The following A1CF variants were observed in gnomAD, a reference collection of about 807,000 sequenced individuals.
A1CF encodes APOBEC1 complementation factor, also known as APOBEC-1 stimulating protein.
Under a neutral mutation model 68.9 loss-of-function variants are expected in A1CF, and 48 were observed. The observed-to-expected ratio is 0.70, with a 90% confidence interval of 0.55 to 0.89. The LOEUF (loss-of-function observed/expected upper bound fraction) is 0.89. A1CF is among the 40% of genes least tolerant of loss of function. A1CF has a pLI of 0.00. For synonymous variants in A1CF, 272 were observed against 260.4 expected (o/e 1.04, Z -0.43); for missense variants, 653 against 718.9 (o/e 0.91, Z 1.05).
chr10:50,854,126 T>G (rs2132504276), intron 3 of A1CF, among the ~76,000 whole-genome samples: 1 of 152,146 alleles, frequency 6.6e-6, no homozygotes, highest in East Asian at 1.9e-4. Flanking sequence ...CTTTTCTACC[T>G]TATGAGATTT....
intron 9 of A1CF, 65 bp downstream of exon 9, chr10:50,815,941 G>A (rs1838344191): frequency 1.3e-6 from 2 of 1,567,452 alleles, no homozygotes; most frequent in Non-Finnish European, 1.7e-6. Context: ...TGTATCTAAG[G>A]CTACTGCAAT....
intron 12 of A1CF, 151 bp from the exon 13 acceptor site, chr10:50,807,031 A>T: frequency 5.3e-6 from 4 of 756,150 alleles, no homozygotes; most frequent in African/African-American, 1.8e-5. Context: ...TTAAGGACAC[A>T]ATATGTGGAC....
intron 1 of A1CF, among the ~76,000 whole-genome samples, chr10:50,884,663 A>T (rs148215648): frequency 2.6e-3 from 397 of 152,356 alleles, no homozygotes; most frequent in Non-Finnish European, 4.5e-3. Context: ...TGTGTTCTTC[A>T]TCTTCTTGGA....
chr10:50,838,371 G>GT lies in A1CF; in HGVS notation c.366-2060dup, dbSNP rs1209976154. ...AAGGGTTGAAAAAATAATCTTCCAAGTTTTTTTTTAAACTTTACTTAAAAA... is the reference window on the plus strand; with the variant it reads ...AAGGGTTGAAAAAATAATCTTCCAAGTTTTTTTTTTAAACTTTACTTAAAAA... On this transcript the variant is annotated intron_variant, in intron 5 of 12. Transcript: ENST00000373997. 2.1e-3 allele frequency among the ~76,000 whole-genome samples: 320 copies of GT among 151,604 alleles called. 11 individuals carry two copies. The highest frequency in any genetic ancestry group is 0.021 in the Admixed American group (312 of 15,194).
At chr10:50,876,284 T>C (rs1408635549) in intron 1 of A1CF, among the ~76,000 whole-genome samples, 1 of 152,236 alleles carries the variant, frequency 6.6e-6, no homozygotes, top group Admixed American at 6.5e-5. Context: ...ACAAGAAACC[T>C]ACCCCTTTCC....
chr10:50,822,391 C>T (rs1384075207), intron 7 of A1CF, among the ~76,000 whole-genome samples: 1 of 152,134 alleles, frequency 6.6e-6, no homozygotes, highest in Non-Finnish European at 1.5e-5. Flanking sequence ...TAGGATGAGA[C>T]ATTATGCCAG....
chr10:50,882,230 G>A (rs887603600), intron 1 of A1CF, among the ~76,000 whole-genome samples: 42 of 152,194 alleles, frequency 2.8e-4, no homozygotes, highest in African/African-American at 8.7e-4. Context: ...GAGTTCAGGA[G>A]TTCGAGACCA....
chr10:50,836,200 T>TA lies in A1CF; in HGVS notation c.477dup (p.Thr160TyrfsTer2). Reference sequence around the variant, plus strand: ...ACGATGACATCGACAACACCTTCAGTAACCTTTTTCATCTCCGATAAGATT... The same window carrying TA: ...ACGATGACATCGACAACACCTTCAGTAAACCTTTTTCATCTCCGATAAGATT... On this transcript the variant is annotated frameshift_variant, in exon 6 of 13. Transcript: ENST00000373997. LOFTEE classifies it high-confidence loss of function. The TA allele has an allele frequency of 6.2e-7, 1 of 1,614,054 alleles. No individual in the cohort carries two copies.
chr10:50,878,157 A>G (rs909050738), intron 1 of A1CF, among the ~76,000 whole-genome samples: 10 of 152,182 alleles, frequency 6.6e-5, no homozygotes, highest in Non-Finnish European at 1.2e-4. Context: ...AAAAACTGCC[A>G]GAGAATCAGG....
intron 5 of A1CF, among the ~76,000 whole-genome samples, chr10:50,839,592 C>T (rs1200099975): frequency 6.6e-6 from 1 of 152,220 alleles, no homozygotes; most frequent in African/African-American, 2.4e-5. Flanking sequence ...CCACATACTA[C>T]ACAAAGCTCT....
intron 6 of A1CF, among the ~76,000 whole-genome samples, chr10:50,834,412 T>C (rs1409086992): frequency 6.6e-6 from 1 of 152,136 alleles, no homozygotes; most frequent in Admixed American, 6.6e-5. Flanking sequence ...CAGGTATTCC[T>C]AGTAGAGGAT....
chr10:50,811,613 A>T (rs77886466), intron 10 of A1CF, among the ~76,000 whole-genome samples: 2,574 of 152,334 alleles, frequency 0.017, 32 homozygotes, highest in Admixed American at 0.029. Context: ...GACATTTGTC[A>T]TAGGGTTTTA....
At chr10:50,841,783 A>T (rs1283938528) in intron 5 of A1CF, 79 bp downstream of exon 5, 1 of 1,552,892 alleles carries the variant, frequency 6.4e-7, no homozygotes, top group Non-Finnish European at 8.7e-7. Context: ...GGCATACACC[A>T]TATTAGATAA....
intron 2 of A1CF, among the ~76,000 whole-genome samples, chr10:50,862,241 C>T (rs1840781578): frequency 6.6e-6 from 1 of 151,900 alleles, no homozygotes; most frequent in South Asian, 2.1e-4. Context: ...TGGTGCATGC[C>T]TGTAATCCCA....
In A1CF at chr10:50,876,597, C is replaced by T. The variant is rs183205144; in HGVS notation, c.-94+8984G>A. 3.3e-5 allele frequency among the ~76,000 whole-genome samples: 5 copies of T among 152,274 alleles called. No individual in the cohort carries two copies. In the East Asian group the frequency reaches 5.8e-4, roughly 18 times the overall value. ...AGGGACATTGGCCTTTCCTGATCTT[C>T]GGACTTGAAATATTGGCTCTTCTTG... is the stretch of plus-strand genomic sequence containing the variant. On this transcript the variant is annotated intron_variant, in intron 1 of 12. Coordinates refer to ENST00000373997, the MANE Select transcript of A1CF (RefSeq NM_014576.4).
intron 1 of A1CF, among the ~76,000 whole-genome samples, 191 bp from the exon 2 acceptor site, chr10:50,864,271 C>A (rs1391319716): frequency 1.3e-5 from 2 of 152,136 alleles, no homozygotes; most frequent in African/African-American, 4.8e-5. Context: ...AATGAGAAAA[C>A]ACCTGTGAAG....
intron 5 of A1CF, among the ~76,000 whole-genome samples, chr10:50,841,113 G>A (rs956305375): frequency 2.6e-5 from 4 of 152,136 alleles, no homozygotes; most frequent in African/African-American, 7.2e-5. Context: ...AAACAGCAGA[G>A]GAATGTTTAA....
At chr10:50,820,176 G>C (rs1472372539) in intron 8 of A1CF, among the ~76,000 whole-genome samples, 1 of 152,148 alleles carries the variant, frequency 6.6e-6, no homozygotes, top group Non-Finnish European at 1.5e-5. Flanking sequence ...CAGCTATCTT[G>C]ACATGTTTTT....
At position 50,844,093 on chromosome 10, in the gene A1CF, A is replaced by T. The variant is rs370524676; in HGVS notation, c.129T>A (p.Pro43=). 2 of 1,612,112 alleles carry T rather than the reference A, an allele frequency of 1.2e-6. No homozygotes were observed. Among genetic ancestry groups the T allele is most frequent in the Non-Finnish European group, 1.7e-6 (2 of 1,179,490 alleles). ...QENGQRKYGG[P]PPGWDAAPPE... is the part of the protein sequence containing the mutation. ...GGGGTGCAGCATCCCAACCAGGTGGAGGGCCACCATATTTTCTTTGTCCAT... is the reference window on the plus strand; with the variant it reads ...GGGGTGCAGCATCCCAACCAGGTGGTGGGCCACCATATTTTCTTTGTCCAT... The change falls in exon 4 of 13, where the codon CCT becomes CCA. Residue 43 remains proline (P), a synonymous_variant. Transcript: ENST00000373997.
Sources: gnomAD v4.1 joint callset for allele counts (sites outside exome capture counted in the v4.1 genomes callset) on GRCh38, gnomAD v4.1.1 for gene constraint, MANE v1.5 for transcripts, NCBI Gene and HGNC (gene_info 2026-07-23, HGNC 2026-07-21) for gene names.